The following SLC25A21 variants were observed in gnomAD, a reference collection of about 807,000 sequenced individuals.
SLC25A21 encodes mitochondrial 2-oxodicarboxylate carrier.
A neutral mutation model predicts 43.8 loss-of-function variants in SLC25A21; 47 were observed. The ratio of observed to expected loss-of-function variants is 1.07; its 90% CI spans 0.85 to 1.37. The LOEUF is 1.37. Among genes scored for constraint, SLC25A21 ranks in the 40% most tolerant of loss-of-function variants. The probability of loss-of-function intolerance (pLI) is 0.00; values close to 1 mark genes in which losing one functional copy is unlikely to be tolerated. For missense variants in SLC25A21, 352 were observed against 350.2 expected, an observed-to-expected ratio of 1.00 and a Z score of -0.04; for synonymous variants, 131 against 121.3, an observed-to-expected ratio of 1.08 and a Z score of -0.52.
intron 6 of SLC25A21, among the ~76,000 whole-genome samples, chr14:36,716,027 G>C (rs1884117646): frequency 6.6e-6 from 1 of 152,076 alleles, no homozygotes; most frequent in African/African-American, 2.4e-5. Flanking sequence ...GGAGGTGGAG[G>C]TTGCATTGAG....
intron 1 of SLC25A21, among the ~76,000 whole-genome samples, chr14:37,079,808 C>T (rs2138836595): frequency 6.6e-6 from 1 of 152,272 alleles, no homozygotes; most frequent in African/African-American, 2.4e-5. Flanking sequence ...TTTCTTAGTG[C>T]CATGGTCTGA....
At chr14:37,099,258 G>A (rs1434645292) in intron 1 of SLC25A21, among the ~76,000 whole-genome samples, 1 of 151,956 alleles carries the variant, frequency 6.6e-6, no homozygotes, top group African/African-American at 2.4e-5. Context: ...CCTTTTCTTT[G>A]TGTGTCTATC....
At chr14:36,894,626 A>C (rs1329110745) in intron 1 of SLC25A21, among the ~76,000 whole-genome samples, 1 of 152,102 alleles carries the variant, frequency 6.6e-6, no homozygotes, top group Non-Finnish European at 1.5e-5. Context: ...CCAGTTTTCA[A>C]AGGGAATGCT....
At chr14:37,155,513 A>G (rs1425487569) in intron 1 of SLC25A21, among the ~76,000 whole-genome samples, 1 of 152,344 alleles carries the variant, frequency 6.6e-6, no homozygotes, top group Middle Eastern at 3.4e-3. Context: ...AGTCAAAGAT[A>G]AAAAGATAAT....
chr14:36,734,628 T>C, intron 3 of SLC25A21, 55 bp from the exon 4 acceptor site: 1 of 1,363,272 alleles, frequency 7.3e-7, no homozygotes, highest in South Asian at 1.2e-5. Flanking sequence ...AACAAGTATT[T>C]CTGACTTTGT....
intron 3 of SLC25A21, among the ~76,000 whole-genome samples, chr14:36,778,492 T>C (rs775126415): frequency 2.6e-5 from 4 of 152,200 alleles, no homozygotes; most frequent in Non-Finnish European, 5.9e-5. Flanking sequence ...GGTTCACTCA[T>C]TCATTCACTC....
intron 1 of SLC25A21, among the ~76,000 whole-genome samples, chr14:37,141,703 T>C (rs1286949108): frequency 6.6e-6 from 1 of 152,236 alleles, no homozygotes; most frequent in Non-Finnish European, 1.5e-5. Context: ...TTTTTCTTTA[T>C]TCTATTACTC....
intron 1 of SLC25A21, among the ~76,000 whole-genome samples, chr14:37,125,619 A>G (rs1381831269): frequency 6.6e-6 from 1 of 152,232 alleles, no homozygotes; most frequent in Admixed American, 6.5e-5. Context: ...TAATTGTGCT[A>G]TTTGGTAGAG....
intron 1 of SLC25A21, among the ~76,000 whole-genome samples, chr14:37,049,053 G>A (rs7160919): frequency 0.072 from 10,946 of 152,158 alleles, 836 homozygotes; most frequent in African/African-American, 0.19. Context: ...AGAAGCTACA[G>A]GAGGTAAGGT....
intron 1 of SLC25A21, among the ~76,000 whole-genome samples, chr14:36,959,148 A>C (rs1349738672): frequency 6.6e-6 from 1 of 152,172 alleles, no homozygotes; most frequent in Non-Finnish European, 1.5e-5. Context: ...TGTCGCTGCC[A>C]TAATGGATTT....
At chr14:36,940,216 T>C (rs1892523128) in intron 1 of SLC25A21, among the ~76,000 whole-genome samples, 2 of 152,264 alleles carry the variant, frequency 1.3e-5, no homozygotes, top group Admixed American at 6.5e-5. Flanking sequence ...ATAACTAAGC[T>C]AGTTTGGAGT....
chr14:36,837,853 A>G (rs936709685), intron 2 of SLC25A21, among the ~76,000 whole-genome samples: 6 of 152,114 alleles, frequency 3.9e-5, no homozygotes, highest in Non-Finnish European at 7.4e-5. Context: ...TTTACTGGTG[A>G]ATGAGCTCTC....
intron 3 of SLC25A21, among the ~76,000 whole-genome samples, chr14:36,740,784 A>T (rs895781818): frequency 6.6e-6 from 1 of 152,152 alleles, no homozygotes; most frequent in South Asian, 2.1e-4. Context: ...CATGTAGAGC[A>T]AGGCAAACCC....
At chr14:37,117,176 G>A (rs1955756) in intron 1 of SLC25A21, among the ~76,000 whole-genome samples, 79,739 of 151,964 alleles carry the variant, frequency 0.52, 23,886 homozygotes, top group Non-Finnish European at 0.66. Context: ...TCATCCTTTT[G>A]AAATTTGGAA....
rs554191133 is a variant in SLC25A21 at position 37,168,330 on chromosome 14, A to G, written c.70+3951T>C. Among the ~76,000 whole-genome samples, 36 of 152,302 alleles carry G rather than the reference A, an allele frequency of 2.4e-4. 1 individual carries two copies. Among genetic ancestry groups the G allele is most frequent in the African/African-American group, 8.4e-4 (35 of 41,566 alleles). Reference sequence around the variant, plus strand: ...AATTTATATGTAAAGACCAATCTTCAGATGTACGCATCAGTTTCTTCTGAT... The same window carrying G: ...AATTTATATGTAAAGACCAATCTTCGGATGTACGCATCAGTTTCTTCTGAT... On this transcript the variant is annotated intron_variant, in intron 1 of 9. Coordinates refer to ENST00000331299, the MANE Select transcript of SLC25A21 (RefSeq NM_030631.4).
chr14:36,907,098 T>C (rs1005277498), intron 1 of SLC25A21, among the ~76,000 whole-genome samples: 7 of 152,170 alleles, frequency 4.6e-5, no homozygotes, highest in African/African-American at 1.7e-4. Flanking sequence ...TGCAAAGTAA[T>C]ACTTATTATC....
chr14:36,704,099 G>C lies in SLC25A21; in HGVS notation c.603+7219C>G, dbSNP rs539363133. ...ACTTATTCACCCTTCAATAGGAACA[G>C]CTAGCTCCTAAAAATAAATCTGAAA... On this transcript the variant is annotated intron_variant, in intron 7 of 9. Transcript: ENST00000331299. Among the ~76,000 whole-genome samples, 23 of 152,220 alleles carry C rather than the reference G, an allele frequency of 1.5e-4. No homozygotes were observed. In the South Asian group the frequency reaches 4.8e-3, roughly 32 times the overall value.
chr14:36,921,007 C>T (rs924667402), intron 1 of SLC25A21, among the ~76,000 whole-genome samples: 1 of 152,136 alleles, frequency 6.6e-6, no homozygotes, highest in Admixed American at 6.6e-5. Context: ...ACACTGATAA[C>T]TATTGATTCA....
intron 1 of SLC25A21, among the ~76,000 whole-genome samples, chr14:36,965,307 C>A (rs1959587569): frequency 1.3e-5 from 2 of 152,130 alleles, no homozygotes; most frequent in African/African-American, 4.8e-5. Context: ...GTACATCAAT[C>A]TTTCACACTC....
Sources: allele counts gnomAD v4.1 joint callset (sites outside exome capture counted in the v4.1 genomes callset), GRCh38; gene constraint gnomAD v4.1.1; transcripts MANE v1.5; gene names NCBI Gene and HGNC (gene_info 2026-07-23, HGNC 2026-07-21).